ANKFY1: variants seen among roughly 807,000 people sequenced by gnomAD.
The protein encoded by ANKFY1 is ankyrin repeat and FYVE domain-containing protein 1.
A neutral mutation model predicts 128.3 loss-of-function variants in ANKFY1; 47 were observed. The ratio of observed to expected loss-of-function variants is 0.37; its 90% CI spans 0.29 to 0.47. The LOEUF is 0.47. Ranked by LOEUF, ANKFY1 falls within the 20% of genes least tolerant of loss-of-function variation. ANKFY1 has a pLI of 1.00. For synonymous variants in ANKFY1, 553 were observed against 601.6 expected, an observed-to-expected ratio of 0.92 and a Z score of 1.18; for missense variants, 1,222 against 1,510.6, an observed-to-expected ratio of 0.81 and a Z score of 3.17.
intron 10 of ANKFY1, among the ~76,000 whole-genome samples, chr17:4,189,877 G>T (rs940367061): frequency 1.2e-4 from 18 of 149,620 alleles, no homozygotes; most frequent in Admixed American, 3.3e-4. Flanking sequence ...GCCCCAGGCT[G>T]GAGCATCCAC....
chr17:4,258,175 T>C (rs2143564075), intron 1 of ANKFY1, among the ~76,000 whole-genome samples: 1 of 152,298 alleles, frequency 6.6e-6, no homozygotes, highest in East Asian at 1.9e-4. Flanking sequence ...CTGGACTATA[T>C]ATAATTATCA....
chr17:4,210,708 C>CAAAA (rs371731375), intron 4 of ANKFY1, among the ~76,000 whole-genome samples: 834 of 42,412 alleles, frequency 0.02, 210 homozygotes, highest in Middle Eastern at 0.045. Context: ...AACTCTGTCG[C>CAAAA]AAAAAAAAAA....
intron 1 of ANKFY1, among the ~76,000 whole-genome samples, chr17:4,254,158 G>A (rs2143520588): frequency 6.6e-6 from 1 of 152,074 alleles, no homozygotes; most frequent in Non-Finnish European, 1.5e-5. Context: ...ACAAAAATTA[G>A]CCAGGTGTGG....
intron 16 of ANKFY1, chr17:4,180,127 C>T (rs780726803): frequency 1.4e-5 from 7 of 501,690 alleles, no homozygotes; most frequent in Middle Eastern, 5.3e-4. Flanking sequence ...GATATGCATA[C>T]ATTTAAAGCC....
At chr17:4,200,740 T>G (rs1029593283) in intron 7 of ANKFY1, among the ~76,000 whole-genome samples, 6 of 152,242 alleles carry the variant, frequency 3.9e-5, no homozygotes, top group Middle Eastern at 3.2e-3. Flanking sequence ...CTTTTGTCTT[T>G]GCATCAGGAT....
intron 11 of ANKFY1, chr17:4,186,720 C>T (rs1567922339): frequency 6.6e-6 from 5 of 753,780 alleles, no homozygotes; most frequent in Non-Finnish European, 8.1e-6. Context: ...CGCTCCTCTA[C>T]CCCTCCTCCT....
intron 3 of ANKFY1, chr17:4,223,449 C>T (rs1026167896): frequency 8.1e-7 from 1 of 1,241,430 alleles, no homozygotes; most frequent in Non-Finnish European, 1.2e-6. Context: ...ACTGATGACA[C>T]ACTTCAAGTT....
chr17:4,236,173 C>T (rs1966891620), intron 2 of ANKFY1, among the ~76,000 whole-genome samples: 1 of 152,108 alleles, frequency 6.6e-6, no homozygotes, highest in African/African-American at 2.4e-5. Context: ...GGTGAACCTA[C>T]AAGTTAAGTA....
intron 7 of ANKFY1, among the ~76,000 whole-genome samples, chr17:4,202,665 T>TCAG (rs2059952486): frequency 8.1e-6 from 1 of 123,480 alleles, no homozygotes; most frequent in Non-Finnish European, 1.6e-5. Context: ...CCACTGCACT[T>TCAG]CAGCCTGGGC....
At position 4,174,055 on chromosome 17, in the gene ANKFY1, A is replaced by T; in HGVS notation, c.2777T>A (p.Leu926His). 1 of 1,613,880 alleles carries T rather than the reference A, an allele frequency of 6.2e-7. No homozygotes were observed. The highest frequency in any genetic ancestry group is 2.2e-5 in the East Asian group (1 of 44,890). ...AGSEIIVRNL[L>H]LAGAKVNELT... Reference sequence around the variant, plus strand: ...TTCGTTCACTTTGGCTCCCGCAAGAAGCTGTTGAAGTTCATTACATGAACA... The same window carrying T: ...TTCGTTCACTTTGGCTCCCGCAAGATGCTGTTGAAGTTCATTACATGAACA... The change falls in exon 20 of 25, where the codon CTT becomes CAT. Residue 926 changes from leucine (L) to histidine (H), a missense_variant and splice_region_variant. Leu to His is a moderately conservative substitution (Grantham distance 99). Coordinates refer to ENST00000341657, the MANE Select transcript of ANKFY1 (RefSeq NM_001330063.2).
chr17:4,190,963 C>A (rs749369668), intron 10 of ANKFY1, among the ~76,000 whole-genome samples: 1 of 152,134 alleles, frequency 6.6e-6, no homozygotes. Flanking sequence ...CATGGTGAAA[C>A]CCTGTCTCTA....
chr17:4,175,507 T>C (rs976362704), intron 19 of ANKFY1, among the ~76,000 whole-genome samples: 51 of 152,276 alleles, frequency 3.3e-4, no homozygotes, highest in African/African-American at 1.2e-3. Flanking sequence ...ACATGTAGTC[T>C]GTAGTCAGAA....
rs1046574121 is a variant in ANKFY1 at position 4,173,136 on chromosome 17, G to A, written c.3014+218C>T. Among the ~76,000 whole-genome samples the A allele has an allele frequency of 5.3e-5, 8 of 152,354 alleles. No individual in the cohort carries two copies. The South Asian group carries it at 1.2e-3, about 24-fold the overall frequency. ...CTCCCGAAGTGCTGGGATTACAGGC[G>A]CGAGCCACTGCGCCCGGCCAAACCT... is the stretch of plus-strand genomic sequence containing the variant. On this transcript the variant is annotated intron_variant, in intron 21 of 24. Coordinates refer to ENST00000341657, the MANE Select transcript of ANKFY1 (RefSeq NM_001330063.2).
intron 7 of ANKFY1, among the ~76,000 whole-genome samples, chr17:4,199,141 C>G (rs545728794): frequency 1.3e-5 from 2 of 152,350 alleles, no homozygotes; most frequent in South Asian, 4.1e-4. Flanking sequence ...GCCTGGGTGA[C>G]AGAGAGAGAT....
At position 4,206,369 on chromosome 17, in the gene ANKFY1, T is replaced by G. The variant is rs770424373; in HGVS notation, c.850A>C (p.Met284Leu). The change falls in exon 7 of 25, where the codon ATG (methionine) becomes CTG (leucine). Residue 284 changes from methionine (M) to leucine (L), a missense_variant. Transcript: ENST00000341657. Reference protein sequence around the residue: ...TLVSHKADVDMVDKSGWSLLH... With the variant: ...TLVSHKADVDLVDKSGWSLLH... ...AAGCTCCAGCCACTCTTGTCCACCA[T>G]GTCCACATCAGCTTTGTGACTAACC... 5 of 1,614,230 alleles carry G rather than the reference T, an allele frequency of 3.1e-6. No homozygotes were observed. The highest frequency in any genetic ancestry group is 4.2e-6 in the Non-Finnish European group (5 of 1,180,020).
At chr17:4,245,741 T>TC (rs1328055171) in intron 1 of ANKFY1, among the ~76,000 whole-genome samples, 3 of 88,592 alleles carry the variant, frequency 3.4e-5, no homozygotes, top group Non-Finnish European at 6.5e-5. Context: ...AGACCCTGTC[T>TC]CAAAAAAAAA....
Position 4,170,708 on chromosome 17 carries a change from C to T in ANKFY1, c.3286+7G>A. The T allele has an allele frequency of 6.2e-7, 1 of 1,604,880 alleles. No individual in the cohort carries two copies. Among genetic ancestry groups the T allele is most frequent in the South Asian group, 1.1e-5 (1 of 89,248 alleles). On this transcript the variant is annotated splice_region_variant and intron_variant, in intron 23 of 24. Transcript: ENST00000341657. Reference sequence around the variant, plus strand: ...TGCACTGTGAGAGCAGAGAGCGGGCCACTCACCCAGCAGTCGGAACAGGAG... The same window carrying T: ...TGCACTGTGAGAGCAGAGAGCGGGCTACTCACCCAGCAGTCGGAACAGGAG...
At position 4,216,435 on chromosome 17, in the gene ANKFY1, A is replaced by T. The variant is rs1268319341; in HGVS notation, c.458+548T>A. ...TTGTTTTCTGTTGTTCTAAAATGCC[A>T]ACTTGGGAGAGCAACAGAGAAAATG... On this transcript the variant is annotated intron_variant, in intron 4 of 24. Transcript: ENST00000341657. 1.8e-5 allele frequency: 3 copies of T among 163,876 alleles called. No homozygotes were observed. In the East Asian group the frequency reaches 4.9e-4, roughly 27 times the overall value. The allele number at this position is 163,876 out of a possible 1,614,324, so 10.2% of individuals were successfully genotyped here.
chr17:4,168,190 C>A, intron 24 of ANKFY1: 1 of 233,990 alleles, frequency 4.3e-6, no homozygotes, highest in Non-Finnish European at 8.3e-6. Flanking sequence ...TGGTGGCTCA[C>A]GCCTGTAATC....
Sources: allele counts gnomAD v4.1 joint callset (sites outside exome capture counted in the v4.1 genomes callset), GRCh38; gene constraint gnomAD v4.1.1; transcripts MANE v1.5; gene names NCBI Gene and HGNC (gene_info 2026-07-23, HGNC 2026-07-21).